PLSCR2: variants seen among roughly 807,000 people sequenced by gnomAD.
PLSCR2 encodes PL scramblase 2.
Under a neutral mutation model 25.3 loss-of-function variants are expected in PLSCR2, and 18 were observed. That is an observed-to-expected ratio of 0.71 (90% CI 0.49 to 1.06). The LOEUF (loss-of-function observed/expected upper bound fraction) is 1.06, where lower values mean the gene tolerates loss of function less well. Ranked by LOEUF, PLSCR2 falls within the 50% of genes least tolerant of loss-of-function variation. The probability of loss-of-function intolerance (pLI) is 0.00; values close to 1 mark genes in which losing one functional copy is unlikely to be tolerated. For missense variants in PLSCR2, 243 were observed against 269.5 expected (o/e 0.90, Z 0.69); for synonymous variants, 88 against 87.3 (o/e 1.01, Z -0.04).
At chr3:146,485,686 T>G (rs1199974538) in intron 1 of PLSCR2, among the ~76,000 whole-genome samples, 1 of 152,172 alleles carries the variant, frequency 6.6e-6, no homozygotes, top group Non-Finnish European at 1.5e-5. Context: ...TTGAACAACC[T>G]ACTCCTGAAT....
chr3:146,470,203 G>T (rs367789922), intron 1 of PLSCR2, among the ~76,000 whole-genome samples: 176 of 152,248 alleles, frequency 1.2e-3, no homozygotes, highest in African/African-American at 4.0e-3. Flanking sequence ...GGGTGTGCCT[G>T]CAACTGGCAC....
At chr3:146,478,747 C>T (rs529839680) in intron 1 of PLSCR2, among the ~76,000 whole-genome samples, 35 of 152,206 alleles carry the variant, frequency 2.3e-4, no homozygotes, top group African/African-American at 7.7e-4. Context: ...TAGAGAACAC[C>T]ACAAAGATAC....
chr3:146,485,354 G>C (rs766857453), intron 1 of PLSCR2, among the ~76,000 whole-genome samples: 1 of 152,076 alleles, frequency 6.6e-6, no homozygotes, highest in Non-Finnish European at 1.5e-5. Flanking sequence ...AATAGTGGGA[G>C]ACTTTAACAA....
chr3:146,414,025 C>G (rs1295582333), intron 2 of PLSCR2, among the ~76,000 whole-genome samples: 1 of 152,106 alleles, frequency 6.6e-6, no homozygotes, highest in Non-Finnish European at 1.5e-5. Context: ...GGGGCTGGCA[C>G]CTTGTGAGAG....
chr3:146,469,994 T>C (rs554134963), intron 1 of PLSCR2, among the ~76,000 whole-genome samples: 36 of 152,158 alleles, frequency 2.4e-4, no homozygotes, highest in Non-Finnish European at 5.0e-4. Flanking sequence ...ACTCTGCTCT[T>C]GACCTCCATC....
At chr3:146,430,755 A>T (rs1163498368), downstream of PLSCR2, among the ~76,000 whole-genome samples, 1 of 114,454 alleles carries the variant, frequency 8.7e-6, no homozygotes, top group African/African-American at 3.4e-5. Context: ...ACTTCCCCCC[A>T]CCCCCAAGTC....
intron 1 of PLSCR2, among the ~76,000 whole-genome samples, chr3:146,491,518 G>A (rs968634): frequency 0.32 from 49,130 of 151,748 alleles, 7,997 homozygotes; most frequent in South Asian, 0.41. Context: ...TTCTGTTTAC[G>A]TAATCCCTTA....
intron 2 of PLSCR2, among the ~76,000 whole-genome samples, chr3:146,419,205 A>G (rs2039072719): frequency 6.6e-6 from 1 of 152,140 alleles, no homozygotes; most frequent in Admixed American, 6.6e-5. Flanking sequence ...TCCCAACTAA[A>G]AATCAAATTT....
At chr3:146,425,073 T>C (rs2039295176) in intron 2 of PLSCR2, among the ~76,000 whole-genome samples, 1 of 152,170 alleles carries the variant, frequency 6.6e-6, no homozygotes, top group African/African-American at 2.4e-5. Flanking sequence ...TTTGTTTCAC[T>C]GCTGCACAAC....
intron 2 of PLSCR2, among the ~76,000 whole-genome samples, chr3:146,427,311 G>C (rs948006935): frequency 3.9e-5 from 6 of 152,078 alleles, no homozygotes; most frequent in Non-Finnish European, 8.8e-5. Context: ...TAAAGAAAAA[G>C]GTACAATTTC....
intron 2 of PLSCR2, among the ~76,000 whole-genome samples, chr3:146,402,553 C>G (rs1270379252): frequency 2.6e-5 from 4 of 151,928 alleles, no homozygotes; most frequent in Non-Finnish European, 5.9e-5. Context: ...CTACAACCTC[C>G]GCCTCCCAGG....
chr3:146,422,164 T>C (rs1380933303), intron 2 of PLSCR2, among the ~76,000 whole-genome samples: 6 of 152,114 alleles, frequency 3.9e-5, no homozygotes, highest in Non-Finnish European at 5.9e-5. Context: ...CTGAGAGAAC[T>C]TCATTCACAT....
At chr3:146,461,825 G>A, upstream of PLSCR2, 1 of 885,504 alleles carries the variant, frequency 1.1e-6, no homozygotes, top group Non-Finnish European at 1.8e-6. Context: ...AGGTGTCATT[G>A]ATAATTACTG....
At chr3:146,481,359 T>C (rs1406322910) in intron 1 of PLSCR2, among the ~76,000 whole-genome samples, 17 of 152,208 alleles carry the variant, frequency 1.1e-4, no homozygotes, top group Non-Finnish European at 1.5e-5. Context: ...AAAATCTCCT[T>C]AAGCTGATAA....
downstream of PLSCR2, among the ~76,000 whole-genome samples, chr3:146,441,393 A>G (rs35695439): frequency 0.48 from 73,495 of 151,726 alleles, 18,751 homozygotes; most frequent in South Asian, 0.7. Flanking sequence ...TTAAAAAATA[A>G]AATATAATGA....
At chr3:146,397,006 T>C (rs1330859793) in intron 2 of PLSCR2, among the ~76,000 whole-genome samples, 5 of 152,180 alleles carry the variant, frequency 3.3e-5, no homozygotes, top group Non-Finnish European at 7.3e-5. Context: ...CTTCCTGTTA[T>C]GATGAATGGG....
chr3:146,397,687 T>G (rs1231244330), intron 2 of PLSCR2, among the ~76,000 whole-genome samples: 1 of 152,118 alleles, frequency 6.6e-6, no homozygotes, highest in African/African-American at 2.4e-5. Context: ...TAGGATTTGC[T>G]GTATTATACT....
chr3:146,420,287 A>G (rs986436184), intron 2 of PLSCR2, among the ~76,000 whole-genome samples: 2 of 152,072 alleles, frequency 1.3e-5, no homozygotes, highest in African/African-American at 2.4e-5. Flanking sequence ...ATTACTAGGA[A>G]ACAAATCAAA....
intron 2 of PLSCR2, among the ~76,000 whole-genome samples, chr3:146,415,327 G>A (rs1324082469): frequency 6.6e-6 from 1 of 151,912 alleles, no homozygotes; most frequent in African/African-American, 2.4e-5. Context: ...TATCATAGTA[G>A]TCTAAAATTA....
Sources: allele counts gnomAD v4.1 joint callset (sites outside exome capture counted in the v4.1 genomes callset), GRCh38; gene constraint gnomAD v4.1.1; transcripts MANE v1.5; gene names NCBI Gene and HGNC (gene_info 2026-07-23, HGNC 2026-07-21).